The following AMBRA1 variants were observed in gnomAD, a reference collection of about 807,000 sequenced individuals.
The protein encoded by AMBRA1 is autophagy and beclin 1 regulator 1, also known as activating molecule in BECN1-regulated autophagy protein 1.
AMBRA1 carries 47 observed loss-of-function variants against 125.4 expected under a neutral mutation model. The ratio of observed to expected loss-of-function variants is 0.37; its 90% CI spans 0.30 to 0.48. The LOEUF is 0.48. Ranked by LOEUF, AMBRA1 falls within the 20% of genes least tolerant of loss-of-function variation. AMBRA1 has a pLI of 0.99. For missense variants in AMBRA1, 1,331 were observed against 1,693.4 expected, an observed-to-expected ratio of 0.79 and a Z score of 3.76; for synonymous variants, 626 against 655.5, an observed-to-expected ratio of 0.95 and a Z score of 0.69.
chr11:46,544,252 A>G (rs1952891004), intron 5 of AMBRA1, among the ~76,000 whole-genome samples: 1 of 152,264 alleles, frequency 6.6e-6, no homozygotes, highest in East Asian at 1.9e-4. Context: ...TATCACAAAA[A>G]TAACGATTTC....
At chr11:46,491,834 A>C (rs1452736110) in intron 11 of AMBRA1, among the ~76,000 whole-genome samples, 2 of 152,220 alleles carry the variant, frequency 1.3e-5, no homozygotes, top group Non-Finnish European at 2.9e-5. Context: ...GTCAGACCAC[A>C]AGGCATAAAG....
rs576290530 is a variant in AMBRA1, at chr11:46,443,588, G to A, written c.2532C>T (p.Ile844=). The change falls in exon 12 of 18, where the codon ATC becomes ATT. Residue 844 remains isoleucine, a synonymous_variant. Transcript: ENST00000683756. ...SVNRVLAGAV[I]GDGQSAVASN... ...TGGCCACAGCAGACTGTCCATCACC[G>A]ATCACTGCCCCTTATGAGGAAGAAG... 1.7e-5 allele frequency: 27 copies of A among 1,613,538 alleles called. No homozygotes were observed. Among genetic ancestry groups the A allele is most frequent in the African/African-American group, 4.0e-5 (3 of 75,006 alleles).
intron 1 of AMBRA1, among the ~76,000 whole-genome samples, chr11:46,569,711 A>G (rs1019163018): frequency 3.9e-5 from 6 of 151,996 alleles, no homozygotes; most frequent in Non-Finnish European, 8.8e-5. Context: ...TGAGGTCAGC[A>G]GTTCGAGACC....
intron 11 of AMBRA1, among the ~76,000 whole-genome samples, chr11:46,462,837 C>T (rs1202648677): frequency 2.0e-5 from 3 of 152,004 alleles, no homozygotes; most frequent in East Asian, 1.9e-4. Flanking sequence ...CTGCAACCTC[C>T]GCCTCCCAGG....
At position 46,542,271 on chromosome 11, in the gene AMBRA1, C is replaced by T. The variant is rs1952786996; in HGVS notation, c.1746G>A (p.Leu582=). 1.2e-6 allele frequency: 2 copies of T among 1,614,062 alleles called. No homozygotes were observed. Among genetic ancestry groups the T allele is most frequent in the South Asian group, 1.1e-5 (1 of 91,086 alleles). ...AGTTAGGTGTGGTTCTTTCCCAGCG[C>T]AGGGTATCGTTGTTGAAGGTCAGGA... ...HNLLTFNNDT[L]RWERTTPNYS... Residue 582 remains leucine, a synonymous_variant, in exon 7 of 18, where the codon CTG becomes CTA. Coordinates refer to ENST00000683756, the MANE Select transcript of AMBRA1 (RefSeq NM_001387011.1). This position sits in a 1 kb window ranked among gnomAD's most constrained non-coding sequence, Gnocchi z 5.9.
intron 11 of AMBRA1, among the ~76,000 whole-genome samples, chr11:46,459,348 AT>A (rs1185508597): frequency 2.0e-5 from 3 of 152,084 alleles, no homozygotes; most frequent in Non-Finnish European, 4.4e-5. Flanking sequence ...TACTTTATAT[AT>A]TTTGGTATTA....
At chr11:46,467,416 C>A (rs1297689383) in intron 11 of AMBRA1, among the ~76,000 whole-genome samples, 1 of 152,154 alleles carries the variant, frequency 6.6e-6, no homozygotes, top group East Asian at 1.9e-4. Context: ...TTTCCTTTCA[C>A]ATGCAATTTT....
intron 7 of AMBRA1, among the ~76,000 whole-genome samples, chr11:46,520,215 T>A (rs1408336954): frequency 6.6e-6 from 1 of 152,120 alleles, no homozygotes; most frequent in Non-Finnish European, 1.5e-5. Context: ...AATATTTAAT[T>A]TCAATTTATT....
intron 3 of AMBRA1, 93 bp downstream of exon 3, chr11:46,547,724 G>A: frequency 1.6e-6 from 2 of 1,274,050 alleles, no homozygotes; most frequent in Admixed American, 2.1e-5. Flanking sequence ...ACTTCAGAGA[G>A]ACTTTAGGGA....
chr11:46,398,868 G>C (rs1185886480), intron 17 of AMBRA1, among the ~76,000 whole-genome samples: 1 of 152,002 alleles, frequency 6.6e-6, no homozygotes, highest in Non-Finnish European at 1.5e-5. Context: ...CCGCCTCCCG[G>C]GTTCAAGCAA....
In AMBRA1 at chr11:46,397,642, C is replaced by A. The variant is rs761071769; in HGVS notation, c.3705G>T (p.Gln1235His). The A allele has an allele frequency of 2.7e-5, 43 of 1,612,540 alleles. No homozygotes were observed. In the Admixed American group the frequency reaches 3.7e-4, roughly 14 times the overall value. The change falls in exon 18 of 18, where the codon CAG becomes CAT. Residue 1235 changes from glutamine to histidine, a missense_variant. Coordinates refer to ENST00000683756, the MANE Select transcript of AMBRA1 (RefSeq NM_001387011.1). The stretch of plus-strand genomic sequence containing the variant: ...TTGGCTCCCGCCCAGGGGTACCAGG[C>A]TGGTCCCAGGAAGCTGTCCGGGGGC... ...GLSPRTASWD[Q>H]PGTPGREPTQ...
intron 12 of AMBRA1, among the ~76,000 whole-genome samples, chr11:46,442,432 T>C (rs1366370680): frequency 6.6e-6 from 1 of 151,966 alleles, no homozygotes; most frequent in Non-Finnish European, 1.5e-5. Context: ...TGTGAGCTGC[T>C]ACACCTGGCT....
chr11:46,420,751 A>G (rs1565139103), intron 14 of AMBRA1, among the ~76,000 whole-genome samples: 1 of 152,216 alleles, frequency 6.6e-6, no homozygotes, highest in Non-Finnish European at 1.5e-5. Flanking sequence ...CAATGGGTGC[A>G]TGAGGGGAGC....
chr11:46,548,155 A>G lies in AMBRA1; in HGVS notation c.135+91T>C, dbSNP rs1486214731. On this transcript the variant is annotated intron_variant, in intron 2 of 17. Transcript: ENST00000683756. ...GTCAACTCTCCCACACAAGATAAAT[A>G]TATCCCAACTCTCTGCTGTTAACCC... is the stretch of plus-strand genomic sequence containing the variant. The G allele has an allele frequency of 1.4e-5, 22 of 1,550,118 alleles. No individual in the cohort carries two copies. In the East Asian group the frequency reaches 4.7e-4, roughly 33 times the overall value.
intron 11 of AMBRA1, among the ~76,000 whole-genome samples, chr11:46,475,584 G>A (rs1018927962): frequency 6.6e-6 from 1 of 152,152 alleles, no homozygotes; most frequent in Non-Finnish European, 1.5e-5. Context: ...AAATTCAGAA[G>A]GCCCAAGGAC....
rs1947643947 is a variant in AMBRA1, at chr11:46,434,855, G to T, written c.2815C>A (p.Arg939=). The T allele has an allele frequency of 5.6e-6, 9 of 1,597,122 alleles. No homozygotes were observed. Among genetic ancestry groups the T allele is most frequent in the Non-Finnish European group, 7.7e-6 (9 of 1,172,278 alleles). Residue 939 remains arginine, a synonymous_variant, in exon 13 of 18, where the codon CGA becomes AGA. Coordinates refer to ENST00000683756, the MANE Select transcript of AMBRA1 (RefSeq NM_001387011.1). The part of the protein sequence containing the change: ...HNLGEMLYTK[R]FGPNAISVSL... ...TGGGCTTCCTATCCCTTACCAAATC[G>T]CTTGGTGTAGAGCATTTCGCCCAGG...
At chr11:46,464,756 C>G (rs2136850394) in intron 11 of AMBRA1, among the ~76,000 whole-genome samples, 1 of 152,008 alleles carries the variant, frequency 6.6e-6, no homozygotes, top group African/African-American at 2.4e-5. Flanking sequence ...TTATTAAACA[C>G]CGAGACAAGG....
chr11:46,530,112 G>A (rs1010416421), intron 7 of AMBRA1, among the ~76,000 whole-genome samples: 21 of 152,310 alleles, frequency 1.4e-4, no homozygotes, highest in African/African-American at 5.1e-4. Flanking sequence ...ACTCTGAATA[G>A]ATACAGTAGA....
chr11:46,554,433 G>GA (rs2043105907), intron 1 of AMBRA1, among the ~76,000 whole-genome samples: 1 of 151,960 alleles, frequency 6.6e-6, no homozygotes, highest in South Asian at 2.1e-4. Context: ...TCAATACCAA[G>GA]AAAAAAATCA....
Sources: gnomAD v4.1 joint callset for allele counts (sites outside exome capture counted in the v4.1 genomes callset) on GRCh38, gnomAD v4.1.1 for gene constraint, Gnocchi (gnomAD v3.1) non-coding constraint, MANE v1.5 for transcripts, NCBI Gene and HGNC (gene_info 2026-07-23, HGNC 2026-07-21) for gene names.